ABHD10: variants seen among roughly 807,000 people sequenced by gnomAD.
ABHD10 encodes palmitoyl-protein thioesterase ABHD10, mitochondrial.
ABHD10 carries 22 observed loss-of-function variants against 33.1 expected under a neutral mutation model. That is an observed-to-expected ratio of 0.66 (90% CI 0.47 to 0.95). ABHD10 has a LOEUF of 0.95. Ranked by LOEUF, ABHD10 falls within the 40% of genes least tolerant of loss-of-function variation. The pLI, the probability that ABHD10 is intolerant of heterozygous loss-of-function variation, is 0.00. For missense variants in ABHD10, 352 were observed against 379.9 expected (o/e 0.93, Z 0.61); for synonymous variants, 146 against 133.9 (o/e 1.09, Z -0.62).
intron 2 of ABHD10, 42 bp downstream of exon 2, chr3:111,982,009 C>T: frequency 7.3e-7 from 1 of 1,379,096 alleles, no homozygotes; most frequent in East Asian, 2.4e-5. Flanking sequence ...CTACTGTTAG[C>T]ATTACAGTGG....
intron 4 of ABHD10, among the ~76,000 whole-genome samples, chr3:111,989,751 G>GT (rs2072718883): frequency 6.6e-6 from 1 of 151,338 alleles, no homozygotes; most frequent in Admixed American, 6.6e-5. Context: ...ACATTTTATA[G>GT]TTTTGTAGAA....
At chr3:111,990,797 C>A in intron 4 of ABHD10, 3 of 1,069,942 alleles carry the variant, frequency 2.8e-6, no homozygotes, top group South Asian at 2.3e-5. Context: ...TTTTTTTATT[C>A]TTAGTTCTGT....
intron 2 of ABHD10, among the ~76,000 whole-genome samples, chr3:111,985,391 T>G (rs1332358753): frequency 6.6e-6 from 1 of 152,094 alleles, no homozygotes; most frequent in Non-Finnish European, 1.5e-5. Flanking sequence ...GATGGGTTGG[T>G]GATGATGAAT....
Position 111,991,934 on chromosome 3 carries a change from A to AT in ABHD10, c.*221dup, listed in dbSNP as rs1458119507. ...AATTTTCTCCTTCCTTCTGTCCTTG[A>AT]TTTTTTTTCATTAAAGTATTTCCTT... is the stretch of plus-strand genomic sequence containing the variant. On this transcript the variant is annotated 3_prime_UTR_variant, in exon 5 of 5. Transcript: ENST00000273359. 8 of 434,498 alleles carry AT rather than the reference A, an allele frequency of 1.8e-5. No homozygotes were observed. The highest frequency in any genetic ancestry group is 8.0e-5 in the East Asian group (2 of 25,090). 26.9% of individuals were successfully genotyped at this position (434,498 alleles called of 1,614,324 possible).
At position 111,991,760 on chromosome 3, in the gene ABHD10, G is replaced by T. The variant is rs751227890; in HGVS notation, c.*39G>T. The T allele has an allele frequency of 6.8e-7, 1 of 1,463,600 alleles. No homozygotes were observed. The highest frequency in any genetic ancestry group is 9.3e-7 in the Non-Finnish European group (1 of 1,070,158). The allele number at this position is 1,463,600 out of a possible 1,614,324, so 90.7% of individuals were successfully genotyped here. ...GTTGGTATGTAAACTAATGTATCCA[G>T]AAGATTGGAAGAGGGATAAGAAATG... On this transcript the variant is annotated 3_prime_UTR_variant, in exon 5 of 5. Transcript: ENST00000273359.
intron 4 of ABHD10, among the ~76,000 whole-genome samples, chr3:111,988,625 T>G (rs1474501832): frequency 6.6e-6 from 1 of 152,176 alleles, no homozygotes; most frequent in Non-Finnish European, 1.5e-5. Flanking sequence ...AGGGTATCTC[T>G]GTTGCCCAGG....
At chr3:111,985,750 A>G (rs1289374882) in intron 2 of ABHD10, among the ~76,000 whole-genome samples, 1 of 143,970 alleles carries the variant, frequency 6.9e-6, no homozygotes, top group Non-Finnish European at 1.5e-5. Context: ...AGAGTATGCC[A>G]TGTGGAGAGA....
In ABHD10 at chr3:111,986,989, C is replaced by G. The variant is rs2072675977; in HGVS notation, c.514C>G (p.Leu172Val). Residue 172 changes from leucine (L) to valine (V), a missense_variant, in exon 4 of 5, where the codon CTT becomes GTT. Coordinates refer to ENST00000273359, the MANE Select transcript of ABHD10 (RefSeq NM_018394.4). ...AIARPEKVVA[L>V]IGVATAADTL... is the part of the protein sequence containing the mutation. ...TGCACGACCAGAGAAGGTCGTGGCT[C>G]TTATTGGTGTAGCTACAGCTGCAGA... The G allele has an allele frequency of 6.2e-7, 1 of 1,613,460 alleles. No individual in the cohort carries two copies. The highest frequency in any genetic ancestry group is 8.5e-7 in the Non-Finnish European group (1 of 1,179,892).
intron 1 of ABHD10, among the ~76,000 whole-genome samples, chr3:111,981,493 C>T (rs2072584673): frequency 7.0e-6 from 1 of 143,608 alleles, no homozygotes; most frequent in Non-Finnish European, 1.5e-5. Flanking sequence ...AAATGTTTTT[C>T]GATTAGTCTC....
At chr3:111,989,803 C>T (rs1162811783) in intron 4 of ABHD10, among the ~76,000 whole-genome samples, 1 of 143,690 alleles carries the variant, frequency 7.0e-6, no homozygotes, top group Non-Finnish European at 1.5e-5. Flanking sequence ...TTTAGAAGTA[C>T]AGTTTTTTTT....
rs140330648 is a variant in ABHD10, at chr3:111,992,234, A to ATT, written c.*513_*514insTT. On this transcript the variant is annotated 3_prime_UTR_variant, in exon 5 of 5. Coordinates refer to ENST00000273359, the MANE Select transcript of ABHD10 (RefSeq NM_018394.4). ...TTTATATAATGTATAAAGTATATAT[A>ATT]ATATAATATATATGTTATATAAACT... The ATT allele has an allele frequency of 0.23, 30,686 of 131,356 alleles. 3,264 individuals are homozygous for ATT. Among genetic ancestry groups the ATT allele is most frequent in the Middle Eastern group, 0.33 (82 of 250 alleles). The allele number at this position is 131,356 out of a possible 1,614,324, so 8.1% of individuals were successfully genotyped here.
intron 2 of ABHD10, among the ~76,000 whole-genome samples, chr3:111,984,597 G>A (rs2072629863): frequency 6.6e-6 from 1 of 152,136 alleles, no homozygotes; most frequent in South Asian, 2.1e-4. Context: ...AAAATTTACT[G>A]TAAAATTTAT....
At chr3:111,986,042 AGT>A (rs2072653743) in intron 2 of ABHD10, among the ~76,000 whole-genome samples, 1 of 152,220 alleles carries the variant, frequency 6.6e-6, no homozygotes, top group South Asian at 2.1e-4. Context: ...GTTGAGAGAC[AGT>A]GTGACTAGCA....
intron 1 of ABHD10, among the ~76,000 whole-genome samples, chr3:111,980,868 A>G (rs2072574729): frequency 6.6e-6 from 1 of 152,068 alleles, no homozygotes; most frequent in Admixed American, 6.5e-5. Context: ...AGTTGTTACC[A>G]TGGCTCATGA....
At chr3:111,981,721 A>G in intron 1 of ABHD10, 63 bp from the exon 2 acceptor site, 2 of 1,359,832 alleles carry the variant, frequency 1.5e-6, no homozygotes, top group Non-Finnish European at 9.9e-7. Flanking sequence ...GATCGAAAAT[A>G]TATATGGTTT....
At chr3:111,980,701 C>T (rs974432648) in intron 1 of ABHD10, among the ~76,000 whole-genome samples, 11 of 152,120 alleles carry the variant, frequency 7.2e-5, no homozygotes, top group Non-Finnish European at 2.9e-5. Flanking sequence ...TTAAATTACA[C>T]TAAAATCTCT....
chr3:111,987,735 A>G (rs1340868945), intron 4 of ABHD10, among the ~76,000 whole-genome samples: 1 of 152,130 alleles, frequency 6.6e-6, no homozygotes, highest in African/African-American at 2.4e-5. Context: ...TTTTTTCCAG[A>G]TATTTTTGAT....
intron 4 of ABHD10, among the ~76,000 whole-genome samples, chr3:111,989,304 A>G (rs556768886): frequency 1.8e-4 from 27 of 152,354 alleles, no homozygotes; most frequent in African/African-American, 6.3e-4. Context: ...GCTGTTGGGA[A>G]TGTAAGCTTC....
intron 3 of ABHD10, 91 bp from the exon 4 acceptor site, chr3:111,986,823 A>C: frequency 2.2e-6 from 2 of 909,944 alleles, no homozygotes; most frequent in Non-Finnish European, 3.1e-6. Flanking sequence ...TTCTATTTTT[A>C]CTTTCTAATT....
Sources: gnomAD v4.1 joint callset for allele counts (sites outside exome capture counted in the v4.1 genomes callset) on GRCh38, gnomAD v4.1.1 for gene constraint, MANE v1.5 for transcripts, NCBI Gene and HGNC (gene_info 2026-07-23, HGNC 2026-07-21) for gene names.